The following DGKB variants were observed in gnomAD, a reference collection of about 807,000 sequenced individuals.
DGKB encodes 90 kDa diacylglycerol kinase.
Under a neutral mutation model 114.3 loss-of-function variants are expected in DGKB, and 67 were observed. That is an observed-to-expected ratio of 0.59 (90% confidence interval 0.48 to 0.72). The LOEUF is 0.72. DGKB is among the 30% of genes least tolerant of loss of function. The probability of loss-of-function intolerance (pLI) is 0.00; values close to 1 mark genes in which losing one functional copy is unlikely to be tolerated. For synonymous variants in DGKB, 398 were observed against 323.1 expected, an observed-to-expected ratio of 1.23 and a Z score of -2.49; for missense variants, 907 against 975.2, an observed-to-expected ratio of 0.93 and a Z score of 0.93.
chr7:14,663,781 A>G (rs1343899479), intron 13 of DGKB, among the ~76,000 whole-genome samples: 1 of 147,988 alleles, frequency 6.8e-6, no homozygotes. Flanking sequence ...CTCTTTTCTA[A>G]AACTTTTAAC....
At chr7:14,343,879 CATATATACT>C (rs1812031098) in intron 22 of DGKB, among the ~76,000 whole-genome samples, 2 of 146,012 alleles carry the variant, frequency 1.4e-5, no homozygotes, top group South Asian at 4.2e-4. Flanking sequence ...CATATATAAC[CATATATACT>C]ATATATTTAA....
intron 16 of DGKB, among the ~76,000 whole-genome samples, chr7:14,610,242 G>A (rs1805283389): frequency 6.6e-6 from 1 of 152,026 alleles, no homozygotes; most frequent in Non-Finnish European, 1.5e-5. Flanking sequence ...GGAGATGGAG[G>A]CCATTTCCCT....
chr7:14,334,593 T>A (rs1810356326), intron 23 of DGKB, among the ~76,000 whole-genome samples: 1 of 152,106 alleles, frequency 6.6e-6, no homozygotes, highest in Admixed American at 6.6e-5. Flanking sequence ...TGAATTTTTT[T>A]TTTTTACATT....
At chr7:14,781,115 A>G (rs1162013970) in intron 2 of DGKB, among the ~76,000 whole-genome samples, 2 of 152,186 alleles carry the variant, frequency 1.3e-5, no homozygotes, top group Admixed American at 6.6e-5. Flanking sequence ...TTGTAAGTCT[A>G]TTTAACCATA....
At chr7:14,330,540 C>G (rs181392935) in intron 23 of DGKB, among the ~76,000 whole-genome samples, 1 of 152,066 alleles carries the variant, frequency 6.6e-6, no homozygotes, top group Non-Finnish European at 1.5e-5. Flanking sequence ...CTTACCAATT[C>G]TACCATAAAA....
chr7:14,592,026 A>G (rs1206034940), intron 17 of DGKB, among the ~76,000 whole-genome samples: 1 of 151,944 alleles, frequency 6.6e-6, no homozygotes, highest in African/African-American at 2.4e-5. Flanking sequence ...TTATTAAAAA[A>G]TACTATCGCT....
chr7:14,700,867 A>G (rs992144623), intron 7 of DGKB, among the ~76,000 whole-genome samples: 24 of 152,290 alleles, frequency 1.6e-4, no homozygotes, highest in Admixed American at 1.5e-3. Flanking sequence ...AATGACACTT[A>G]TTCTATTAAT....
chr7:14,663,814 C>CA (rs35779111), intron 13 of DGKB, among the ~76,000 whole-genome samples: 15 of 149,552 alleles, frequency 1.0e-4, no homozygotes, highest in East Asian at 4.0e-4. Flanking sequence ...AACCAGTGTG[C>CA]AAAAAAAAAC....
chr7:14,418,090 G>A (rs2128756006), intron 21 of DGKB, among the ~76,000 whole-genome samples: 1 of 148,290 alleles, frequency 6.7e-6, no homozygotes, highest in South Asian at 2.1e-4. Context: ...GCATTACACA[G>A]CCTCTGATTA....
At chr7:14,776,269 A>C (rs975102579) in intron 2 of DGKB, among the ~76,000 whole-genome samples, 4 of 152,232 alleles carry the variant, frequency 2.6e-5, no homozygotes, top group African/African-American at 9.6e-5. Flanking sequence ...TGATGCGATA[A>C]AAAAATAAAA....
intron 23 of DGKB, among the ~76,000 whole-genome samples, chr7:14,238,659 G>A (rs374447297): frequency 1.3e-5 from 2 of 151,888 alleles, no homozygotes; most frequent in African/African-American, 4.8e-5. Context: ...GTTGTCTTCT[G>A]TAGAGAGAAG....
chr7:14,728,859 C>T (rs1325204101), intron 5 of DGKB, among the ~76,000 whole-genome samples: 5 of 151,866 alleles, frequency 3.3e-5, no homozygotes, highest in African/African-American at 4.8e-5. Flanking sequence ...TGCACCACCA[C>T]GCCCAGCTGA....
At chr7:14,549,824 T>TA (rs1028528717) in intron 20 of DGKB, among the ~76,000 whole-genome samples, 39 of 152,008 alleles carry the variant, frequency 2.6e-4, no homozygotes, top group African/African-American at 5.1e-4. Flanking sequence ...CCGTCTCTAC[T>TA]AAAAAATATA....
At chr7:14,932,379 G>C (rs1234840755) in intron 1 of DGKB, among the ~76,000 whole-genome samples, 2 of 151,972 alleles carry the variant, frequency 1.3e-5, no homozygotes, top group South Asian at 4.1e-4. Flanking sequence ...ACACTGTTTT[G>C]GTTCTTTTAA....
rs187063781 is a variant in DGKB, at chr7:14,492,599, T to G, written c.1771-14374A>C. 5.9e-4 allele frequency among the ~76,000 whole-genome samples: 90 copies of G among 152,164 alleles called. 2 individuals are homozygous for G. The East Asian group carries it at 0.014, about 23-fold the overall frequency. ...ATTAATGGGTATTAGATGTAATACT[T>G]TAATCTCTGTTTTCTGCAAATCATG... On this transcript the variant is annotated intron_variant, in intron 20 of 25. Coordinates refer to ENST00000402815, the MANE Select transcript of DGKB (RefSeq NM_001350709.2).
chr7:14,244,350 C>T (rs1014715575), intron 23 of DGKB, among the ~76,000 whole-genome samples: 3 of 151,936 alleles, frequency 2.0e-5, no homozygotes, highest in African/African-American at 7.3e-5. Context: ...ACCTGATCCT[C>T]AACGTGATAT....
chr7:14,165,984 G>A (rs1042623232), intron 25 of DGKB, among the ~76,000 whole-genome samples: 2 of 152,154 alleles, frequency 1.3e-5, no homozygotes, highest in Admixed American at 1.3e-4. Context: ...CAAGCTTAAC[G>A]AACTGCTGAC....
intron 2 of DGKB, among the ~76,000 whole-genome samples, chr7:14,781,481 C>G (rs10258190): frequency 0.32 from 49,336 of 151,968 alleles, 10,496 homozygotes; most frequent in African/African-American, 0.59. Context: ...GTTGCCTCCC[C>G]ACAGCTCTCC....
intron 2 of DGKB, among the ~76,000 whole-genome samples, chr7:14,833,723 TA>T (rs2128126667): frequency 6.6e-6 from 1 of 152,282 alleles, no homozygotes; most frequent in Admixed American, 6.5e-5. Flanking sequence ...CAAATATGTC[TA>T]TACACCAACA....
Sources: allele counts gnomAD v4.1 joint callset (sites outside exome capture counted in the v4.1 genomes callset), GRCh38; gene constraint gnomAD v4.1.1; transcripts MANE v1.5; gene names NCBI Gene and HGNC (gene_info 2026-07-23, HGNC 2026-07-21).